IL1RAPL2: variants seen among roughly 807,000 people sequenced by gnomAD.
IL1RAPL2 encodes the protein interleukin 1 receptor accessory protein like 2, also known as X-linked interleukin-1 receptor accessory protein-like 2.
In IL1RAPL2, 3 loss-of-function variants were observed where a neutral mutation model predicts 44.1. The observed-to-expected ratio is 0.07, with a 90% CI of 0.03 to 0.18. The LOEUF (loss-of-function observed/expected upper bound fraction) is 0.18. Ranked by LOEUF, IL1RAPL2 falls within the 10% of genes least tolerant of loss-of-function variation. IL1RAPL2 has a pLI of 1.00. For missense variants in IL1RAPL2, 391 were observed against 496.4 expected (o/e 0.79, Z 2.02); for synonymous variants, 181 against 178.8 (o/e 1.01, Z -0.10).
At chrX:105,144,436 C>T (rs1185334852) in intron 2 of IL1RAPL2, among the ~76,000 whole-genome samples, 1 of 110,976 alleles carries the variant, frequency 9.0e-6, no homozygotes, top group Admixed American at 9.7e-5. Context: ...AGTTCAAACT[C>T]GTAGTTAAGA....
intron 2 of IL1RAPL2, among the ~76,000 whole-genome samples, chrX:105,161,507 G>A (rs920899635): frequency 1.8e-5 from 2 of 109,866 alleles, no homozygotes; most frequent in African/African-American, 6.6e-5. Flanking sequence ...CAGAGGCTGT[G>A]TACATGTGCT....
At chrX:105,059,459 A>T (rs2032042971) in intron 2 of IL1RAPL2, among the ~76,000 whole-genome samples, 1 of 112,394 alleles carries the variant, frequency 8.9e-6, no homozygotes, top group Non-Finnish European at 1.9e-5. Flanking sequence ...ACAGGATCAC[A>T]TTCTCTTTTA....
intron 2 of IL1RAPL2, among the ~76,000 whole-genome samples, chrX:105,032,411 A>G (rs1189218817): frequency 9.2e-6 from 1 of 108,699 alleles, no homozygotes; most frequent in Non-Finnish European, 1.9e-5. Context: ...TGTCCCAGAG[A>G]TTCTGGTATG....
chrX:105,115,234 C>T (rs774878432), intron 2 of IL1RAPL2, among the ~76,000 whole-genome samples: 4 of 111,536 alleles, frequency 3.6e-5, no homozygotes, highest in Non-Finnish European at 7.5e-5. Context: ...AGTGTTACAG[C>T]TCATAAAGGC....
intron 2 of IL1RAPL2, among the ~76,000 whole-genome samples, chrX:104,857,374 T>C (rs1212177442): frequency 8.9e-6 from 1 of 111,746 alleles, no homozygotes; most frequent in Non-Finnish European, 1.9e-5. Context: ...GGGTGAAGCA[T>C]TGTAAAGATG....
intron 2 of IL1RAPL2, among the ~76,000 whole-genome samples, chrX:104,981,055 T>TTGTG (rs199571900): frequency 0.046 from 4,484 of 97,301 alleles, 301 homozygotes; most frequent in African/African-American, 0.16. Flanking sequence ...TTCCAAGGTA[T>TTGTG]TGTGTGTGTG....
intron 2 of IL1RAPL2, among the ~76,000 whole-genome samples, chrX:104,829,621 C>A (rs1051444703): frequency 3.6e-5 from 4 of 112,500 alleles, no homozygotes; most frequent in African/African-American, 6.5e-5. Flanking sequence ...TCTGATTCAA[C>A]CTTTGTCCAT....
At chrX:105,055,726 C>T (rs1157565752) in intron 2 of IL1RAPL2, among the ~76,000 whole-genome samples, 1 of 111,473 alleles carries the variant, frequency 9.0e-6, no homozygotes, top group Non-Finnish European at 1.9e-5. Context: ...AAATCTTATT[C>T]TTTAGAATTG....
chrX:105,015,964 T>G (rs1387574674), intron 2 of IL1RAPL2, among the ~76,000 whole-genome samples: 1 of 111,643 alleles, frequency 9.0e-6, no homozygotes, highest in African/African-American at 3.3e-5. Flanking sequence ...GTTTTTCCAT[T>G]TGTTTGTGTC....
chrX:105,547,661 G>A (rs773845478), intron 6 of IL1RAPL2, among the ~76,000 whole-genome samples: 3 of 112,041 alleles, frequency 2.7e-5, no homozygotes, highest in African/African-American at 9.7e-5. Context: ...AGTACTGACT[G>A]TTGGCTGCAT....
chrX:105,424,750 CA>C lies in IL1RAPL2; in HGVS notation c.698-59556del, dbSNP rs200721994. ...GGGTGACAAGAGTGAAACTATGTCT[CA>C]AAAAAATAAATGAATAAAATAAAAA... On this transcript the variant is annotated intron_variant, in intron 5 of 10. Coordinates refer to ENST00000372582, the MANE Select transcript of IL1RAPL2 (RefSeq NM_017416.2). Among the ~76,000 whole-genome samples, 642 of 106,143 alleles carry C rather than the reference CA, an allele frequency of 6.0e-3. 7 individuals carry two copies. The highest frequency in any genetic ancestry group is 0.021 in the African/African-American group (618 of 29,033). 92.2% of individuals were successfully genotyped at this position (106,143 alleles called of 115,157 possible).
chrX:104,673,135 A>G (rs371893319), intron 2 of IL1RAPL2, among the ~76,000 whole-genome samples: 1 of 111,254 alleles, frequency 9.0e-6, no homozygotes, highest in African/African-American at 3.3e-5. Flanking sequence ...GCTTTTGTTG[A>G]CATTGCTTTT....
At chrX:105,245,030 A>G (rs2034207092) in intron 4 of IL1RAPL2, among the ~76,000 whole-genome samples, 2 of 111,570 alleles carry the variant, frequency 1.8e-5, no homozygotes, top group Non-Finnish European at 3.8e-5. Flanking sequence ...TTACACCACC[A>G]CTTGTTATAC....
intron 4 of IL1RAPL2, among the ~76,000 whole-genome samples, chrX:105,262,563 G>T (rs1569415055): frequency 9.0e-6 from 1 of 111,057 alleles, no homozygotes; most frequent in Non-Finnish European, 1.9e-5. Context: ...ATCACCACCT[G>T]TTTTTTTTAA....
chrX:105,656,641 C>T (rs2037679355), intron 6 of IL1RAPL2, among the ~76,000 whole-genome samples: 1 of 111,648 alleles, frequency 9.0e-6, no homozygotes, highest in Non-Finnish European at 1.9e-5. Context: ...AAGCCCTAAC[C>T]AATCACTCAT....
At chrX:105,344,990 A>G (rs754027742) in intron 5 of IL1RAPL2, among the ~76,000 whole-genome samples, 2 of 111,942 alleles carry the variant, frequency 1.8e-5, no homozygotes, top group African/African-American at 6.5e-5. Context: ...CCTCGAAGCA[A>G]AATTGATTGT....
At chrX:104,833,315 A>AT (rs779154473) in intron 2 of IL1RAPL2, among the ~76,000 whole-genome samples, 4 of 111,214 alleles carry the variant, frequency 3.6e-5, no homozygotes, top group East Asian at 5.7e-4. Context: ...AATTTTGACA[A>AT]TTTTTTTGTA....
chrX:104,742,782 T>C (rs1470211983), intron 2 of IL1RAPL2, among the ~76,000 whole-genome samples: 1 of 111,713 alleles, frequency 9.0e-6, no homozygotes, highest in Non-Finnish European at 1.9e-5. Context: ...GGAAGCCCTT[T>C]GACCCATGGT....
intron 5 of IL1RAPL2, among the ~76,000 whole-genome samples, chrX:105,398,597 G>C (rs1169405027): frequency 1.8e-5 from 2 of 110,987 alleles, no homozygotes; most frequent in African/African-American, 3.3e-5. Flanking sequence ...TCAAAGTAAG[G>C]CTCTATGGCT....
Sources: allele counts gnomAD v4.1 joint callset (sites outside exome capture counted in the v4.1 genomes callset), GRCh38; gene constraint gnomAD v4.1.1; transcripts MANE v1.5; gene names NCBI Gene and HGNC (gene_info 2026-07-23, HGNC 2026-07-21).